ST6GALNAC3: variants seen among roughly 807,000 people sequenced by gnomAD.
ST6GALNAC3 encodes the protein ST6 N-acetylgalactosaminide alpha-2,6-sialyltransferase 3, also known as alpha-N-acetylgalactosaminide alpha-2,6-sialyltransferase 3.
ST6GALNAC3 carries 25 observed loss-of-function variants against 32.7 expected under a neutral mutation model. That is an observed-to-expected ratio of 0.76 (90% confidence interval 0.56 to 1.07). The LOEUF (loss-of-function observed/expected upper bound fraction) is 1.07. ST6GALNAC3 is among the 50% of genes least tolerant of loss of function. The pLI is 0.00. For synonymous variants in ST6GALNAC3, 129 were observed against 133.1 expected (o/e 0.97, Z 0.21); for missense variants, 355 against 382.4 (o/e 0.93, Z 0.60).
At chr1:76,145,141 G>T (rs1650595802) in intron 1 of ST6GALNAC3, among the ~76,000 whole-genome samples, 1 of 152,132 alleles carries the variant, frequency 6.6e-6, no homozygotes, top group Admixed American at 6.6e-5. Context: ...CCCTCACACT[G>T]TTATTACAGT....
chr1:76,480,577 A>G (rs978606388), intron 3 of ST6GALNAC3, among the ~76,000 whole-genome samples: 8 of 152,136 alleles, frequency 5.3e-5, no homozygotes, highest in Non-Finnish European at 1.0e-4. Flanking sequence ...TCTAGCTGCT[A>G]TCATCCTTAA....
At chr1:76,266,380 A>G (rs1658528456) in intron 1 of ST6GALNAC3, among the ~76,000 whole-genome samples, 1 of 152,128 alleles carries the variant, frequency 6.6e-6, no homozygotes, top group South Asian at 2.1e-4. Context: ...CCCTTGCCCT[A>G]GAAAGGTGTT....
intron 3 of ST6GALNAC3, among the ~76,000 whole-genome samples, chr1:76,500,331 C>T (rs945480870): frequency 6.6e-6 from 1 of 152,124 alleles, no homozygotes; most frequent in Non-Finnish European, 1.5e-5. Flanking sequence ...CCATCTGTTA[C>T]TTGAGATACA....
At chr1:76,278,071 T>A (rs1024615570) in intron 1 of ST6GALNAC3, among the ~76,000 whole-genome samples, 2 of 152,126 alleles carry the variant, frequency 1.3e-5, no homozygotes, top group Admixed American at 6.5e-5. Flanking sequence ...TTTATAGTTT[T>A]GGGGAAGAGT....
At chr1:76,131,307 C>A (rs1003363207) in intron 1 of ST6GALNAC3, among the ~76,000 whole-genome samples, 12 of 152,156 alleles carry the variant, frequency 7.9e-5, no homozygotes, top group African/African-American at 2.9e-4. Flanking sequence ...GTGGGATCCA[C>A]AAAGAAGATG....
chr1:76,314,202 C>A (rs1268382096), intron 2 of ST6GALNAC3, among the ~76,000 whole-genome samples: 3 of 152,110 alleles, frequency 2.0e-5, no homozygotes, highest in African/African-American at 7.2e-5. Context: ...TACATTAAAT[C>A]TTCTGATTCA....
At chr1:76,088,009 G>T (rs1344059126) in intron 1 of ST6GALNAC3, among the ~76,000 whole-genome samples, 1 of 152,228 alleles carries the variant, frequency 6.6e-6, no homozygotes. Context: ...TGGCCAGTGA[G>T]TGGAACACCT....
chr1:76,489,215 T>TCAAATAGTAATTACTCAATAGTA (rs1660333054), intron 3 of ST6GALNAC3, among the ~76,000 whole-genome samples: 1 of 152,202 alleles, frequency 6.6e-6, no homozygotes, highest in Admixed American at 6.5e-5. Flanking sequence ...GTACTATTAC[T>TCAAATAGTAATTACTCAATAGTA]ATTAATTGTT....
chr1:76,298,569 C>T (rs559117518), intron 1 of ST6GALNAC3, among the ~76,000 whole-genome samples: 12 of 152,120 alleles, frequency 7.9e-5, no homozygotes, highest in African/African-American at 2.6e-4. Context: ...AAATATTTGA[C>T]ATGTCTTCCT....
intron 2 of ST6GALNAC3, among the ~76,000 whole-genome samples, chr1:76,405,831 T>C (rs560051713): frequency 4.6e-5 from 7 of 152,106 alleles, no homozygotes; most frequent in Non-Finnish European, 1.0e-4. Flanking sequence ...CATATCATGG[T>C]AAATTGATTT....
intron 3 of ST6GALNAC3, among the ~76,000 whole-genome samples, chr1:76,436,501 T>A (rs1656155141): frequency 6.6e-6 from 1 of 152,150 alleles, no homozygotes; most frequent in Non-Finnish European, 1.5e-5. Flanking sequence ...ACATTTTTAT[T>A]TTTTACCTGT....
At position 76,591,152 on chromosome 1, in the gene ST6GALNAC3, T is replaced by C. The variant is rs892341419; in HGVS notation, c.624-36300T>C. ...AGAAATACAAAGGAGATATGAAAGA[T>C]TGGTAAGAGTTAACCAGGCTGTGTG... is the stretch of plus-strand genomic sequence containing the variant. On this transcript the variant is annotated intron_variant, in intron 3 of 4. Coordinates refer to ENST00000328299, the MANE Select transcript of ST6GALNAC3 (RefSeq NM_152996.4). Among the ~76,000 whole-genome samples the C allele has an allele frequency of 8.6e-5, 13 of 151,922 alleles. No individual in the cohort carries two copies. In the East Asian group the frequency reaches 2.1e-3, roughly 25 times the overall value.
At chr1:76,551,185 C>T (rs1570234876) in intron 3 of ST6GALNAC3, among the ~76,000 whole-genome samples, 1 of 152,178 alleles carries the variant, frequency 6.6e-6, no homozygotes, top group Admixed American at 6.5e-5. Context: ...TCTACCCTTT[C>T]TTCTTCTCCA....
chr1:76,240,284 T>C (rs1656891996), intron 1 of ST6GALNAC3, among the ~76,000 whole-genome samples: 1 of 152,222 alleles, frequency 6.6e-6, no homozygotes, highest in Non-Finnish European at 1.5e-5. Context: ...TAAAAATGCC[T>C]GTCTCTTCTC....
intron 3 of ST6GALNAC3, among the ~76,000 whole-genome samples, chr1:76,522,237 T>A (rs1018111658): frequency 1.3e-5 from 2 of 152,208 alleles, no homozygotes; most frequent in Admixed American, 1.3e-4. Context: ...CTGTATTTTT[T>A]AAAAATCAGT....
intron 2 of ST6GALNAC3, among the ~76,000 whole-genome samples, chr1:76,352,711 C>T (rs1376740853): frequency 6.6e-6 from 1 of 152,002 alleles, no homozygotes; most frequent in African/African-American, 2.4e-5. Context: ...TTGATATTTC[C>T]ATGTGGATGT....
intron 2 of ST6GALNAC3, among the ~76,000 whole-genome samples, chr1:76,396,903 T>C (rs935596400): frequency 2.0e-5 from 3 of 152,188 alleles, no homozygotes; most frequent in African/African-American, 7.2e-5. Context: ...TTCTGCAGTC[T>C]TGTGTACTAA....
At chr1:76,261,269 CT>C (rs1465445137) in intron 1 of ST6GALNAC3, among the ~76,000 whole-genome samples, 46 of 152,202 alleles carry the variant, frequency 3.0e-4, no homozygotes, top group Middle Eastern at 3.4e-3. Flanking sequence ...TTCAATTAGC[CT>C]TTTGTTGATT....
At chr1:76,544,517 A>G (rs1371225319) in intron 3 of ST6GALNAC3, among the ~76,000 whole-genome samples, 5 of 152,174 alleles carry the variant, frequency 3.3e-5, no homozygotes, top group Non-Finnish European at 7.3e-5. Flanking sequence ...ACAAATGAAG[A>G]GAGAAGAGAG....
Sources: gnomAD v4.1 joint callset for allele counts (sites outside exome capture counted in the v4.1 genomes callset) on GRCh38, gnomAD v4.1.1 for gene constraint, MANE v1.5 for transcripts, NCBI Gene and HGNC (gene_info 2026-07-23, HGNC 2026-07-21) for gene names.